CMYA5: variants seen among roughly 807,000 people sequenced by gnomAD.
The protein encoded by CMYA5 is cardiomyopathy associated 5.
In CMYA5, 246 loss-of-function variants were observed where a neutral mutation model predicts 318.9. The observed-to-expected ratio is 0.77, with a 90% confidence interval of 0.70 to 0.86. The LOEUF is 0.86. Ranked by LOEUF, CMYA5 falls within the 40% of genes least tolerant of loss-of-function variation. The probability of loss-of-function intolerance (pLI) is 0.00; values close to 1 mark genes in which losing one functional copy is unlikely to be tolerated. For missense variants in CMYA5, 4,589 were observed against 4,678.2 expected (o/e 0.98, Z 0.56); for synonymous variants, 1,641 against 1,729.5 (o/e 0.95, Z 1.27).
At chr5:79,762,977 G>A (rs964331363) in intron 8 of CMYA5, 85 bp from the exon 9 acceptor site, 39 of 1,442,030 alleles carry the variant, frequency 2.7e-5, no homozygotes, top group Admixed American at 1.2e-4. Flanking sequence ...GAATCATGCC[G>A]AAGCCGTGGA....
intron 1 of CMYA5, among the ~76,000 whole-genome samples, chr5:79,691,686 C>T (rs1037199055): frequency 1.3e-5 from 2 of 152,178 alleles, no homozygotes; most frequent in East Asian, 1.9e-4. Flanking sequence ...AGGAAAAACA[C>T]GTATCGACGA....
chr5:79,729,155 G>T lies in CMYA5; in HGVS notation c.390G>T (p.Lys130Asn). ...CCTTTATTGTGGATGAAGTGAAAAAGGTTCGGAAAAGGACTCATAAGTCAA... is the reference window on the plus strand; with the variant it reads ...CCTTTATTGTGGATGAAGTGAAAAATGTTCGGAAAAGGACTCATAAGTCAA... Reference protein sequence around the residue: ...NVSFIVDEVKKVRKRTHKSKH... With the variant: ...NVSFIVDEVKNVRKRTHKSKH... The change falls in exon 2 of 13, where the codon AAG becomes AAT. Residue 130 changes from lysine (K) to asparagine (N), a missense_variant. Transcript: ENST00000446378. 2 of 1,612,546 alleles carry T rather than the reference G, an allele frequency of 1.2e-6. No homozygotes were observed. Among genetic ancestry groups the T allele is most frequent in the East Asian group, 2.2e-5 (1 of 44,860 alleles).
chr5:79,709,960 C>CAAAAAAAAAAAAAAAAAAAAAAAAAAAAA (rs61657639), intron 1 of CMYA5, among the ~76,000 whole-genome samples: 1 of 24,324 alleles, frequency 4.1e-5, no homozygotes. Context: ...GACTCCATCT[C>CAAAAAAAAAAAAAAAAAAAAAAAAAAAAA]AAAAAAAAAA....
At chr5:79,769,879 A>G (rs970693392) in intron 9 of CMYA5, among the ~76,000 whole-genome samples, 1 of 152,126 alleles carries the variant, frequency 6.6e-6, no homozygotes, top group Non-Finnish European at 1.5e-5. Flanking sequence ...TGGAACGTTT[A>G]AGTCTGCTGA....
chr5:79,703,694 C>G (rs1455881316), intron 1 of CMYA5, among the ~76,000 whole-genome samples: 1 of 152,174 alleles, frequency 6.6e-6, no homozygotes, highest in Non-Finnish European at 1.5e-5. Flanking sequence ...CAGAGATTCT[C>G]TTTAGTTAGC....
chr5:79,703,873 T>C (rs916145967), intron 1 of CMYA5, among the ~76,000 whole-genome samples: 2 of 152,212 alleles, frequency 1.3e-5, no homozygotes, highest in African/African-American at 4.8e-5. Context: ...GAAGGATTGA[T>C]TGAGCCCAGG....
rs1828688153 is a variant in CMYA5, at chr5:79,763,186, C to T, written c.11532C>T (p.His3844=). 6.2e-7 allele frequency: 1 copy of T among 1,609,352 alleles called. No individual in the cohort carries two copies. Among genetic ancestry groups the T allele is most frequent in the South Asian group, 1.1e-5 (1 of 90,040 alleles). ...ACACTCTGGAGTACTGCAGACAGCA[C>T]TCTCCTGAGGGAGAGGGCCTCAGGT... is the stretch of plus-strand genomic sequence containing the variant. ...ETYTLEYCRQ[H]SPEGEGLRSF... Residue 3844 remains histidine (H), a synonymous_variant, in exon 9 of 13, where the codon CAC becomes CAT. Transcript: ENST00000446378.
Position 79,728,954 on chromosome 5 carries a change from G to T in CMYA5, c.189G>T (p.Glu63Asp), listed in dbSNP as rs1463153877. ...ATGAAGAGGGAAAGATCAAGCAGGA[G>T]TATATCATATCTGACCCCTCCTTTT... ...DQDEEGKIKQ[E>D]YIISDPSFSM... Residue 63 changes from glutamate to aspartate, a missense_variant, in exon 2 of 13, where the codon GAG becomes GAT. Physicochemically the swap from Glu to Asp is conservative, Grantham distance 45. Transcript: ENST00000446378. The T allele has an allele frequency of 6.2e-7, 1 of 1,611,454 alleles. No individual in the cohort carries two copies. Among genetic ancestry groups the T allele is most frequent in the East Asian group, 2.2e-5 (1 of 44,860 alleles).
intron 4 of CMYA5, among the ~76,000 whole-genome samples, chr5:79,746,887 C>A (rs1828334059): frequency 6.6e-6 from 1 of 152,040 alleles, no homozygotes. Flanking sequence ...CTCCCCTGCA[C>A]CCCGCCTTGT....
At position 79,732,042 on chromosome 5, in the gene CMYA5, A is replaced by C. The variant is rs1327440637; in HGVS notation, c.3277A>C (p.Lys1093Gln). ...STDKSEKAEI[K>Q]PEIPTTSTSV... ...AGATAAATCAGAGAAAGCAGAAATT[A>C]AGCCAGAGATTCCAACAACCTCAAC... The change falls in exon 2 of 13, where the codon AAG becomes CAG. Residue 1093 changes from lysine (K) to glutamine (Q), a missense_variant. Around this residue, in one of 3 missense-constraint regions of CMYA5, gnomAD observed 2,132 missense variants for 2,131.3 expected, o/e 1.00. Transcript: ENST00000446378. The C allele has an allele frequency of 3.7e-6, 6 of 1,613,992 alleles. No individual in the cohort carries two copies. The highest frequency in any genetic ancestry group is 2.7e-5 in the African/African-American group (2 of 75,060).
At position 79,797,884 on chromosome 5, in the gene CMYA5, C is replaced by T. The variant is rs182965205; in HGVS notation, c.11964-1486C>T. 7.2e-5 allele frequency among the ~76,000 whole-genome samples: 11 copies of T among 152,302 alleles called. 1 individual carries two copies. In the East Asian group the frequency reaches 7.7e-4, roughly 11 times the overall value. On this transcript the variant is annotated intron_variant, in intron 12 of 12. Coordinates refer to ENST00000446378, the MANE Select transcript of CMYA5 (RefSeq NM_153610.5). Reference sequence around the variant, plus strand: ...CTGCCCTTACTGTGTGGATTTTTCTCCTTCTTTTTCACCTATTCAAGTCCT... The same window carrying T: ...CTGCCCTTACTGTGTGGATTTTTCTTCTTCTTTTTCACCTATTCAAGTCCT...
intron 1 of CMYA5, among the ~76,000 whole-genome samples, chr5:79,701,090 C>CCAAAAAAAAAAAAAAAAAAAA (rs55791310): frequency 8.7e-6 from 1 of 114,926 alleles, no homozygotes; most frequent in Non-Finnish European, 1.9e-5. Context: ...ACTAAAAATA[C>CCAAAAAAAAAAAAAAAAAAAA]AAAAAAAAAA....
At chr5:79,788,686 G>A (rs1372385966) in intron 9 of CMYA5, among the ~76,000 whole-genome samples, 1 of 152,116 alleles carries the variant, frequency 6.6e-6, no homozygotes, top group Non-Finnish European at 1.5e-5. Flanking sequence ...TATTCTTGGA[G>A]ATTCACTAAC....
chr5:79,722,102 T>C (rs1827650767), intron 1 of CMYA5, among the ~76,000 whole-genome samples: 1 of 152,186 alleles, frequency 6.6e-6, no homozygotes, highest in South Asian at 2.1e-4. Context: ...TATAACTTCA[T>C]ACAAAATAAA....
intron 9 of CMYA5, among the ~76,000 whole-genome samples, chr5:79,767,805 G>T (rs570017724): frequency 1.1e-3 from 167 of 152,358 alleles, no homozygotes; most frequent in Non-Finnish European, 1.8e-3. Flanking sequence ...GAGTTCTGTA[G>T]ATGTCTATTA....
intron 9 of CMYA5, among the ~76,000 whole-genome samples, chr5:79,776,824 G>A (rs369535447): frequency 2.0e-5 from 3 of 149,966 alleles, no homozygotes; most frequent in Middle Eastern, 3.4e-3. Context: ...GTACACTGCA[G>A]TGACGACACT....
In CMYA5 at chr5:79,735,688, C is replaced by T; in HGVS notation, c.6923C>T (p.Thr2308Ile). The T allele has an allele frequency of 1.9e-6, 3 of 1,606,016 alleles. No individual in the cohort carries two copies. The highest frequency in any genetic ancestry group is 2.5e-6 in the Non-Finnish European group (3 of 1,177,972). Residue 2308 changes from threonine (T) to isoleucine (I), a missense_variant, in exon 2 of 13, where the codon ACT becomes ATT. Coordinates refer to ENST00000446378, the MANE Select transcript of CMYA5 (RefSeq NM_153610.5). ...SEEMNINSVV[T>I]SADGENLEIQ... is the part of the protein sequence containing the mutation. The stretch of plus-strand genomic sequence containing the variant: ...GAAATGAACATAAACTCAGTAGTTA[C>T]TTCTGCTGATGGTGAGAACCTTGAA...
At chr5:79,695,071 T>A (rs1296058833) in intron 1 of CMYA5, among the ~76,000 whole-genome samples, 1 of 152,192 alleles carries the variant, frequency 6.6e-6, no homozygotes, top group Non-Finnish European at 1.5e-5. Context: ...GTGTAGGACA[T>A]ACTGATAAAA....
chr5:79,761,976 A>G lies in CMYA5; in HGVS notation c.11407+19A>G. On this transcript the variant is annotated intron_variant, in intron 8 of 12. Coordinates refer to ENST00000446378, the MANE Select transcript of CMYA5 (RefSeq NM_153610.5). ...AGGACAGGTAAGGAGATGGATGCTA[A>G]GGGTGCATTAGAAGACAACGCTCAG... The G allele has an allele frequency of 6.2e-7, 1 of 1,603,634 alleles. No homozygotes were observed. The highest frequency in any genetic ancestry group is 8.5e-7 in the Non-Finnish European group (1 of 1,175,318).
Sources: gnomAD v4.1 joint callset for allele counts (sites outside exome capture counted in the v4.1 genomes callset) on GRCh38, gnomAD v4.1.1 for gene constraint, gnomAD v4.1.1 regional missense constraint, MANE v1.5 for transcripts, NCBI Gene and HGNC (gene_info 2026-07-23, HGNC 2026-07-21) for gene names.